NALF1: variants seen among roughly 807,000 people sequenced by gnomAD.
NALF1 encodes the protein family with sequence similarity 155 member A.
In NALF1, 3 loss-of-function variants were observed where a neutral mutation model predicts 48.4. That is an observed-to-expected ratio of 0.06 (90% CI 0.03 to 0.16). The LOEUF is 0.16. Ranked by LOEUF, NALF1 falls within the 10% of genes least tolerant of loss-of-function variation. The probability of loss-of-function intolerance (pLI) is 1.00; values close to 1 mark genes in which losing one functional copy is unlikely to be tolerated. For missense variants in NALF1, 526 were observed against 571.5 expected (o/e 0.92, Z 0.81); for synonymous variants, 262 against 245.7 (o/e 1.07, Z -0.62).
intron 1 of NALF1, among the ~76,000 whole-genome samples, chr13:107,262,952 C>T (rs750936708): frequency 2.0e-4 from 31 of 152,068 alleles, no homozygotes; most frequent in East Asian, 1.7e-3. Context: ...ATCACAGACT[C>T]GTTGCGTGTA....
intron 1 of NALF1, among the ~76,000 whole-genome samples, chr13:107,596,033 T>A (rs1878736041): frequency 6.6e-6 from 1 of 152,034 alleles, no homozygotes; most frequent in Non-Finnish European, 1.5e-5. Flanking sequence ...CCCAGCTGTG[T>A]ATGTGGAAGG....
chr13:107,429,190 T>G (rs1884332393), intron 1 of NALF1, among the ~76,000 whole-genome samples: 1 of 151,834 alleles, frequency 6.6e-6, no homozygotes, highest in African/African-American at 2.4e-5. Flanking sequence ...GGCGTGGTTG[T>G]GCAAGTCTGT....
chr13:107,213,755 T>C (rs1384774351), intron 1 of NALF1, among the ~76,000 whole-genome samples: 2 of 152,206 alleles, frequency 1.3e-5, no homozygotes, highest in Non-Finnish European at 2.9e-5. Flanking sequence ...AAAATTCTTC[T>C]AGAATCTTGA....
intron 1 of NALF1, among the ~76,000 whole-genome samples, chr13:107,478,525 T>C (rs528914006): frequency 3.5e-4 from 53 of 152,204 alleles, no homozygotes; most frequent in African/African-American, 1.2e-3. Context: ...AATTTACTAT[T>C]TACAAAAACA....
intron 1 of NALF1, among the ~76,000 whole-genome samples, chr13:107,730,488 C>T (rs758201239): frequency 6.6e-6 from 1 of 152,174 alleles, no homozygotes; most frequent in Non-Finnish European, 1.5e-5. Context: ...AATGCTTTCC[C>T]TGTACTTCTG....
intron 1 of NALF1, among the ~76,000 whole-genome samples, chr13:107,264,158 CATT>C (rs891256823): frequency 6.6e-6 from 1 of 152,102 alleles, no homozygotes; most frequent in African/African-American, 2.4e-5. Context: ...TTTTATTTTC[CATT>C]ATGACTTCAT....
intron 1 of NALF1, among the ~76,000 whole-genome samples, chr13:107,526,143 C>T (rs1876429191): frequency 6.6e-6 from 1 of 151,956 alleles, no homozygotes; most frequent in Admixed American, 6.6e-5. Flanking sequence ...TCTTTTTTTA[C>T]CATCTCAATT....
intron 1 of NALF1, among the ~76,000 whole-genome samples, chr13:107,598,279 A>G (rs1355630241): frequency 6.6e-6 from 1 of 152,178 alleles, no homozygotes; most frequent in Non-Finnish European, 1.5e-5. Flanking sequence ...ATCTTTGGTA[A>G]CAATCCCTTT....
chr13:107,529,205 A>G (rs1359136), intron 1 of NALF1, among the ~76,000 whole-genome samples: 122,548 of 152,104 alleles, frequency 0.81, 49,819 homozygotes, highest in South Asian at 0.87. Context: ...TGCTTAGCAT[A>G]TGGCTGGCTG....
intron 1 of NALF1, among the ~76,000 whole-genome samples, chr13:107,380,977 CA>C (rs1216225434): frequency 0.02 from 1,045 of 53,420 alleles, 8 homozygotes; most frequent in African/African-American, 0.058. Flanking sequence ...GACACGGTCT[CA>C]AAAAAAAAAA....
chr13:107,641,837 C>T (rs1880165358), intron 1 of NALF1, among the ~76,000 whole-genome samples: 1 of 152,134 alleles, frequency 6.6e-6, no homozygotes, highest in Admixed American at 6.6e-5. Flanking sequence ...GTTTCAACAC[C>T]ACATGGTACT....
intron 1 of NALF1, among the ~76,000 whole-genome samples, chr13:107,556,220 C>T (rs1320988925): frequency 6.6e-6 from 1 of 150,654 alleles, no homozygotes; most frequent in African/African-American, 2.5e-5. Flanking sequence ...GACTGATAGT[C>T]ATTCCTTTTG....
intron 1 of NALF1, among the ~76,000 whole-genome samples, chr13:107,217,284 T>G (rs1451957083): frequency 6.6e-6 from 1 of 152,134 alleles, no homozygotes; most frequent in Non-Finnish European, 1.5e-5. Context: ...TTGAACAGCT[T>G]CCGGAAATGC....
intron 1 of NALF1, among the ~76,000 whole-genome samples, chr13:107,706,142 G>A (rs929771043): frequency 1.3e-5 from 2 of 152,134 alleles, no homozygotes; most frequent in African/African-American, 4.8e-5. Context: ...TAAAGTGCAG[G>A]GAAAGGCAAA....
chr13:107,821,512 C>T (rs1441390720), intron 1 of NALF1, among the ~76,000 whole-genome samples: 1 of 152,184 alleles, frequency 6.6e-6, no homozygotes, highest in East Asian at 1.9e-4. Context: ...TCCAAAAACC[C>T]ATAACCTTAG....
chr13:107,414,626 A>T (rs1371740114), intron 1 of NALF1, among the ~76,000 whole-genome samples: 1 of 151,906 alleles, frequency 6.6e-6, no homozygotes, highest in African/African-American at 2.4e-5. Flanking sequence ...TGGGGATAAA[A>T]TTACATTATC....
chr13:107,514,433 C>CTATCTATT (rs1875991666), intron 1 of NALF1, among the ~76,000 whole-genome samples: 2 of 139,266 alleles, frequency 1.4e-5, no homozygotes, highest in East Asian at 4.8e-4. Flanking sequence ...ATCTATCTAT[C>CTATCTATT]TATCTATCTA....
chr13:107,715,229 T>G (rs1875716550), intron 1 of NALF1, among the ~76,000 whole-genome samples: 1 of 151,428 alleles, frequency 6.6e-6, no homozygotes, highest in African/African-American at 2.4e-5. Flanking sequence ...TGAAACAGAG[T>G]TTCACGCTTG....
At chr13:107,551,174 G>A (rs1347417509) in intron 1 of NALF1, among the ~76,000 whole-genome samples, 2 of 151,994 alleles carry the variant, frequency 1.3e-5, no homozygotes, top group South Asian at 2.1e-4. Context: ...TTCTTGTGAC[G>A]TCTCTTCTAT....
Sources: gnomAD v4.1 joint callset for allele counts (sites outside exome capture counted in the v4.1 genomes callset) on GRCh38, gnomAD v4.1.1 for gene constraint, MANE v1.5 for transcripts, NCBI Gene and HGNC (gene_info 2026-07-23, HGNC 2026-07-21) for gene names.